NABP1: variants seen among roughly 807,000 people sequenced by gnomAD.
NABP1 encodes SOSS complex subunit B2.
In NABP1, 18 loss-of-function variants were observed where a neutral mutation model predicts 25.0. That is an observed-to-expected ratio of 0.72 (90% CI 0.50 to 1.07). The LOEUF is 1.07. Among genes scored for constraint, NABP1 ranks in the 50% least tolerant of loss-of-function variants. The pLI, the probability that NABP1 is intolerant of heterozygous loss-of-function variation, is 0.00. For synonymous variants in NABP1, 71 were observed against 85.0 expected (o/e 0.84, Z 0.91); for missense variants, 270 against 255.6 (o/e 1.06, Z -0.39).
rs1273888174 is a variant in NABP1, at chr2:191,678,577, A to C, written c.-38A>C. On this transcript the variant is annotated 5_prime_UTR_variant, in exon 1 of 6. Coordinates refer to ENST00000425611, the MANE Select transcript of NABP1 (RefSeq NM_001031716.5). Reference sequence around the variant, plus strand: ...GGGAAGCTTTGACCCCGCCCTGCCCACTCGCGTCTCCGCAGCCGTAGCCGC... The same window carrying C: ...GGGAAGCTTTGACCCCGCCCTGCCCCCTCGCGTCTCCGCAGCCGTAGCCGC... The C allele has an allele frequency of 1.3e-6, 2 of 1,502,578 alleles. No individual in the cohort carries two copies. Among genetic ancestry groups the C allele is most frequent in the Admixed American group, 3.4e-5 (2 of 58,114 alleles). 93.1% of individuals were successfully genotyped at this position (1,502,578 alleles called of 1,614,324 possible).
intron 2 of NABP1, among the ~76,000 whole-genome samples, chr2:191,681,668 A>AT (rs1687689522): frequency 6.6e-6 from 1 of 152,240 alleles, no homozygotes; most frequent in South Asian, 2.1e-4. Flanking sequence ...AGATGTGATC[A>AT]TTGGGTATAA....
chr2:191,685,489 AGTGT>A, intron 5 of NABP1, 106 bp from the exon 6 acceptor site: 1 of 967,470 alleles, frequency 1.0e-6, no homozygotes. Flanking sequence ...TAAAAATAAA[AGTGT>A]GTGCTTTAAT....
At position 191,679,234 on chromosome 2, in the gene NABP1, A is replaced by C. The variant is rs62179884; in HGVS notation, c.230+106A>C. 2,208 of 1,381,268 alleles carry C rather than the reference A, an allele frequency of 1.6e-3. 11 individuals carry two copies. Among genetic ancestry groups the C allele is most frequent in the Middle Eastern group, 6.9e-3 (29 of 4,210 alleles). The allele number at this position is 1,381,268 out of a possible 1,614,324, so 85.6% of individuals were successfully genotyped here. A position where few individuals can be genotyped will look rare whatever the true frequency, so the allele number is the denominator to read the frequency against. Reference sequence around the variant, plus strand: ...AAGTCCCCCGCCTTTTCTGTGGGCCACTCTTGAGGAGTTTTGAACTCCTTT... The same window carrying C: ...AAGTCCCCCGCCTTTTCTGTGGGCCCCTCTTGAGGAGTTTTGAACTCCTTT... On this transcript the variant is annotated intron_variant, in intron 2 of 5. Coordinates refer to ENST00000425611, the MANE Select transcript of NABP1 (RefSeq NM_001031716.5).
chr2:191,682,934 G>C (rs1382377815), intron 3 of NABP1: 1 of 206,636 alleles, frequency 4.8e-6, no homozygotes, highest in Non-Finnish European at 1.0e-5. Flanking sequence ...CATTAATAGA[G>C]TTATGTGTTA....
At chr2:191,679,402 G>A (rs905464084) in intron 2 of NABP1, among the ~76,000 whole-genome samples, 2 of 152,168 alleles carry the variant, frequency 1.3e-5, no homozygotes, top group Non-Finnish European at 2.9e-5. Flanking sequence ...TTTTGGGACC[G>A]AGTCTCGCTC....
intron 2 of NABP1, 22 bp from the exon 3 acceptor site, chr2:191,681,924 T>A (rs778876724): frequency 2.1e-6 from 3 of 1,408,656 alleles, no homozygotes; most frequent in Admixed American, 4.7e-5. Flanking sequence ...TTCTAAAGAA[T>A]TAATGTTTCT....
At chr2:191,680,205 T>C (rs942129385) in intron 2 of NABP1, among the ~76,000 whole-genome samples, 1 of 152,158 alleles carries the variant, frequency 6.6e-6, no homozygotes, top group African/African-American at 2.4e-5. Flanking sequence ...AAAACAGAAT[T>C]TGGAAGCTTT....
In NABP1 at chr2:191,682,032, G is replaced by C; in HGVS notation, c.302+15G>C. ...AAAATTGGGGAGTAAGTATTAAAAT[G>C]CATTTTGTATAATTGCATATATTAT... On this transcript the variant is annotated intron_variant, in intron 3 of 5. Coordinates refer to ENST00000425611, the MANE Select transcript of NABP1 (RefSeq NM_001031716.5). 1 of 1,409,280 alleles carries C rather than the reference G, an allele frequency of 7.1e-7. No individual in the cohort carries two copies. The highest frequency in any genetic ancestry group is 9.5e-7 in the Non-Finnish European group (1 of 1,054,572). The allele number at this position is 1,409,280 out of a possible 1,614,324, so 87.3% of individuals were successfully genotyped here. A position where few individuals can be genotyped will look rare whatever the true frequency, so the allele number is the denominator to read the frequency against.
chr2:191,682,081 G>A, intron 3 of NABP1, 64 bp downstream of exon 3: 1 of 1,035,514 alleles, frequency 9.7e-7, no homozygotes, highest in East Asian at 2.9e-5. Context: ...GGAATGATTG[G>A]TAGGTATGAA....
chr2:191,684,311 G>A lies in NABP1; in HGVS notation c.445+15G>A. The A allele has an allele frequency of 6.7e-7, 1 of 1,502,064 alleles. No homozygotes were observed. The allele number at this position is 1,502,064 out of a possible 1,614,324, so 93.0% of individuals were successfully genotyped here. On this transcript the variant is annotated intron_variant, in intron 5 of 5. Transcript: ENST00000425611. The stretch of plus-strand genomic sequence containing the variant: ...TGGACCAGTGGGTAAGATTTTGTTT[G>A]TGTGTTTCATTTGTGATCAGGTATA...
intron 1 of NABP1, 25 bp downstream of exon 1, chr2:191,678,730 C>T (rs757978051): frequency 6.3e-7 from 1 of 1,589,466 alleles, no homozygotes; most frequent in East Asian, 2.2e-5. Context: ...CAGCCTACTC[C>T]ACCGCCCGCT....
rs567457264 is a variant in NABP1 at position 191,678,590 on chromosome 2, C to T, written c.-25C>T. On this transcript the variant is annotated 5_prime_UTR_variant, in exon 1 of 6. Transcript: ENST00000425611. Reference sequence around the variant, plus strand: ...CCCGCCCTGCCCACTCGCGTCTCCGCAGCCGTAGCCGCGCCTGTCCCAATA... The same window carrying T: ...CCCGCCCTGCCCACTCGCGTCTCCGTAGCCGTAGCCGCGCCTGTCCCAATA... 1.5e-4 allele frequency: 229 copies of T among 1,565,892 alleles called. 3 individuals carry two copies. In the South Asian group the frequency reaches 2.5e-3, roughly 17 times the overall value.
chr2:191,685,463 G>GT (rs1057293320), intron 5 of NABP1, 136 bp from the exon 6 acceptor site: 44,439 of 679,638 alleles, frequency 0.065, no homozygotes, highest in East Asian at 0.077. Context: ...AGCCCACATT[G>GT]TTTTTTTTTT....
Position 191,685,624 on chromosome 2 carries a change from A to G in NABP1, c.471A>G (p.Glu157=). The part of the protein sequence containing the change: ...PVGNGVHTGP[E]SREHQFSHAG... ...GAAATGGTGTTCACACTGGCCCTGA[A>G]TCAAGGGAACACCAGTTTTCACATG... The change falls in exon 6 of 6, where the codon GAA becomes GAG. Residue 157 remains glutamate, a synonymous_variant. Coordinates refer to ENST00000425611, the MANE Select transcript of NABP1 (RefSeq NM_001031716.5). The G allele has an allele frequency of 6.2e-7, 1 of 1,613,672 alleles. No individual in the cohort carries two copies. The highest frequency in any genetic ancestry group is 2.2e-5 in the East Asian group (1 of 44,854).
intron 5 of NABP1, 151 bp from the exon 6 acceptor site, chr2:191,685,448 C>G (rs1485963966): frequency 9.0e-6 from 7 of 774,796 alleles, no homozygotes; most frequent in Non-Finnish European, 6.0e-6. Context: ...TTTGGAAAAA[C>G]TTAGAGCCCA....
At chr2:191,678,932 C>T (rs900661307) in intron 1 of NABP1, 58 bp from the exon 2 acceptor site, 1 of 1,611,362 alleles carries the variant, frequency 6.2e-7, no homozygotes, top group Non-Finnish European at 8.5e-7. Flanking sequence ...AGGAGTTAGC[C>T]TTTCTGGATG....
chr2:191,681,844 C>T (rs1190045012), intron 2 of NABP1, 102 bp from the exon 3 acceptor site: 2 of 689,644 alleles, frequency 2.9e-6, no homozygotes, highest in Non-Finnish European at 4.3e-6. Context: ...TTGATCCTCA[C>T]TTCTACCTTA....
chr2:191,684,181 A>T, intron 4 of NABP1, 49 bp from the exon 5 acceptor site: 1 of 1,157,156 alleles, frequency 8.6e-7, no homozygotes, highest in Non-Finnish European at 1.2e-6. Flanking sequence ...TTGTAATAAT[A>T]TAATTGTGTT....
Position 191,685,596 on chromosome 2 carries a change from T to C in NABP1, c.446-3T>C. ...AGTGATGAATTTTTGTATTCTTTTT[T>C]AGGAAATGGTGTTCACACTGGCCCT... On this transcript the variant is annotated splice_polypyrimidine_tract_variant and splice_region_variant and intron_variant, in intron 5 of 5. Transcript: ENST00000425611. 1 of 1,606,084 alleles carries C rather than the reference T, an allele frequency of 6.2e-7. No homozygotes were observed. Among genetic ancestry groups the C allele is most frequent in the Non-Finnish European group, 8.5e-7 (1 of 1,175,492 alleles).
Sources: gnomAD v4.1 joint callset for allele counts (sites outside exome capture counted in the v4.1 genomes callset) on GRCh38, gnomAD v4.1.1 for gene constraint, MANE v1.5 for transcripts, NCBI Gene and HGNC (gene_info 2026-07-23, HGNC 2026-07-21) for gene names.